UVRAG: variants seen among roughly 807,000 people sequenced by gnomAD.
UVRAG encodes the protein UV radiation resistance associated.
UVRAG carries 19 observed loss-of-function variants against 78.0 expected under a neutral mutation model. The observed-to-expected ratio is 0.24, with a 90% CI of 0.17 to 0.36. The LOEUF is 0.36. Among genes scored for constraint, UVRAG ranks in the 10% least tolerant of loss-of-function variants. UVRAG has a pLI of 1.00. For missense variants in UVRAG, 740 were observed against 853.8 expected (o/e 0.87, Z 1.66); for synonymous variants, 323 against 324.6 (o/e 1.00, Z 0.05).
At chr11:76,100,730 A>G (rs967571136) in intron 13 of UVRAG, among the ~76,000 whole-genome samples, 1 of 152,120 alleles carries the variant, frequency 6.6e-6, no homozygotes, top group African/African-American at 2.4e-5. Flanking sequence ...AGTACCCAAT[A>G]GTACTTTTTC....
chr11:75,976,111 T>C (rs1428846313), intron 7 of UVRAG, among the ~76,000 whole-genome samples: 1 of 152,246 alleles, frequency 6.6e-6, no homozygotes, highest in Non-Finnish European at 1.5e-5. Flanking sequence ...TTTTTCTGCA[T>C]CTATTGAGAT....
intron 7 of UVRAG, among the ~76,000 whole-genome samples, chr11:75,971,691 CTT>C (rs370869099): frequency 1.4e-5 from 2 of 145,336 alleles, no homozygotes. Context: ...TGTTCATTTT[CTT>C]TTTTTTTTTG....
intron 8 of UVRAG, among the ~76,000 whole-genome samples, chr11:75,990,848 A>G (rs1203012080): frequency 6.6e-6 from 1 of 152,178 alleles, no homozygotes; most frequent in Non-Finnish European, 1.5e-5. Context: ...ACTACATTAA[A>G]TACTCATATC....
intron 7 of UVRAG, among the ~76,000 whole-genome samples, chr11:75,971,057 G>C (rs972928569): frequency 6.6e-6 from 1 of 152,000 alleles, no homozygotes; most frequent in South Asian, 2.1e-4. Context: ...TCTTTTTACT[G>C]TCTCTATAAT....
At chr11:75,856,653 C>T (rs1946300229) in intron 2 of UVRAG, among the ~76,000 whole-genome samples, 2 of 152,132 alleles carry the variant, frequency 1.3e-5, no homozygotes, top group Admixed American at 1.3e-4. Flanking sequence ...GCCATGTTGT[C>T]TAGGCTGGTC....
At chr11:76,047,665 T>G (rs1950786111) in intron 12 of UVRAG, among the ~76,000 whole-genome samples, 1 of 152,232 alleles carries the variant, frequency 6.6e-6, no homozygotes, top group Non-Finnish European at 1.5e-5. Context: ...AGCTGTTATC[T>G]TTTTTGAGGC....
At chr11:75,971,959 G>T (rs2135240021) in intron 7 of UVRAG, among the ~76,000 whole-genome samples, 1 of 152,270 alleles carries the variant, frequency 6.6e-6, no homozygotes, top group East Asian at 1.9e-4. Flanking sequence ...CCAATGTGCT[G>T]GTATTACAGG....
At chr11:76,121,829 C>T (rs1042538598) in intron 14 of UVRAG, among the ~76,000 whole-genome samples, 20 of 152,362 alleles carry the variant, frequency 1.3e-4, no homozygotes, top group African/African-American at 4.6e-4. Context: ...CATATCCTAT[C>T]TCATTCATTC....
rs961351085 is a variant in UVRAG, at chr11:76,078,460, A to G, written c.1305+12672A>G. Among the ~76,000 whole-genome samples the G allele has an allele frequency of 3.9e-5, 6 of 152,074 alleles. No individual in the cohort carries two copies. In the East Asian group the frequency reaches 7.7e-4, roughly 19 times the overall value. ...CTGTAAATTATTGGTTTAAAAATAT[A>G]TATATTATAAATGCAGACTAGCACT... On this transcript the variant is annotated intron_variant, in intron 13 of 14. Coordinates refer to ENST00000356136, the MANE Select transcript of UVRAG (RefSeq NM_003369.4).
At chr11:75,951,233 ATTAAG>A (rs1325214019) in intron 6 of UVRAG, among the ~76,000 whole-genome samples, 2 of 151,948 alleles carry the variant, frequency 1.3e-5, no homozygotes, top group Non-Finnish European at 2.9e-5. Context: ...CTATATACGT[ATTAAG>A]TTATTTCACT....
At chr11:76,125,251 CT>C (rs1952363090) in intron 14 of UVRAG, among the ~76,000 whole-genome samples, 2 of 152,172 alleles carry the variant, frequency 1.3e-5, no homozygotes, top group Non-Finnish European at 2.9e-5. Flanking sequence ...GCCGGCACCC[CT>C]AATATGAAAA....
chr11:75,906,965 C>T (rs1947629191), intron 5 of UVRAG, among the ~76,000 whole-genome samples: 1 of 152,198 alleles, frequency 6.6e-6, no homozygotes, highest in Non-Finnish European at 1.5e-5. Context: ...AATCTTCTAA[C>T]TTTGTTCTCT....
intron 12 of UVRAG, among the ~76,000 whole-genome samples, chr11:76,023,457 T>G (rs1183833345): frequency 2.0e-5 from 3 of 151,452 alleles, no homozygotes; most frequent in Non-Finnish European, 4.4e-5. Context: ...TTGCCCCAGG[T>G]GGCTCTGGGT....
chr11:76,140,296 A>G (rs1012265804), intron 14 of UVRAG, among the ~76,000 whole-genome samples: 1 of 151,914 alleles, frequency 6.6e-6, no homozygotes, highest in Non-Finnish European at 1.5e-5. Flanking sequence ...TGCTTTTCAA[A>G]GCTAAAATAA....
chr11:75,918,205 A>G (rs1206469710), intron 6 of UVRAG, among the ~76,000 whole-genome samples: 2 of 147,246 alleles, frequency 1.4e-5, no homozygotes, highest in Non-Finnish European at 3.0e-5. Context: ...TCTCTACTAA[A>G]AATACAAAAA....
chr11:75,882,778 G>A (rs939513177), intron 4 of UVRAG, among the ~76,000 whole-genome samples: 1 of 152,020 alleles, frequency 6.6e-6, no homozygotes, highest in Non-Finnish European at 1.5e-5. Flanking sequence ...ACGGACAAGT[G>A]AGATCATGCT....
intron 12 of UVRAG, among the ~76,000 whole-genome samples, chr11:76,041,772 A>T (rs1950652245): frequency 6.6e-6 from 1 of 152,232 alleles, no homozygotes; most frequent in Non-Finnish European, 1.5e-5. Context: ...AGTGGATATA[A>T]ACAGGCCTTA....
At chr11:75,945,585 C>T (rs1948572139) in intron 6 of UVRAG, among the ~76,000 whole-genome samples, 1 of 152,006 alleles carries the variant, frequency 6.6e-6, no homozygotes, top group South Asian at 2.1e-4. Context: ...TGCATTGCAG[C>T]CTACATACAT....
intron 13 of UVRAG, among the ~76,000 whole-genome samples, chr11:76,077,603 T>C (rs1163451692): frequency 2.0e-5 from 3 of 152,244 alleles, no homozygotes; most frequent in Admixed American, 6.5e-5. Flanking sequence ...TTTTATCCTT[T>C]GCAGAAACCC....
Sources: allele counts gnomAD v4.1 joint callset (sites outside exome capture counted in the v4.1 genomes callset), GRCh38; gene constraint gnomAD v4.1.1; transcripts MANE v1.5; gene names NCBI Gene and HGNC (gene_info 2026-07-23, HGNC 2026-07-21).